The following DPP10 variants were observed in gnomAD, a reference collection of about 807,000 sequenced individuals.
DPP10 encodes the protein inactive dipeptidyl peptidase 10.
Under a neutral mutation model 120.9 loss-of-function variants are expected in DPP10, and 33 were observed. The observed-to-expected ratio is 0.27, with a 90% confidence interval of 0.21 to 0.37. DPP10 has a LOEUF of 0.37. DPP10 is among the 10% of genes least tolerant of loss of function. The probability of loss-of-function intolerance (pLI) is 1.00; values close to 1 mark genes in which losing one functional copy is unlikely to be tolerated. For synonymous variants in DPP10, 337 were observed against 326.1 expected (o/e 1.03, Z -0.36); for missense variants, 816 against 942.8 (o/e 0.87, Z 1.76).
intron 1 of DPP10, among the ~76,000 whole-genome samples, chr2:114,474,242 CATTGCGCCCAGCCGCTTTTGCT>C (rs1680187572): frequency 6.6e-6 from 1 of 152,240 alleles, no homozygotes; most frequent in Non-Finnish European, 1.5e-5. Flanking sequence ...AGGCATGAGC[CATTGCGCCCAGCCGCTTTTGCT>C]ATTTGATAAT....
intron 1 of DPP10, among the ~76,000 whole-genome samples, chr2:115,277,698 A>G (rs1441878961): frequency 6.6e-6 from 1 of 151,992 alleles, no homozygotes; most frequent in Non-Finnish European, 1.5e-5. Context: ...TAATGAAAAT[A>G]TTGCGTAAGT....
intron 1 of DPP10, among the ~76,000 whole-genome samples, chr2:115,151,704 G>C (rs545750684): frequency 6.7e-6 from 1 of 149,220 alleles, no homozygotes; most frequent in East Asian, 1.9e-4. Context: ...ACCGCGCCCA[G>C]TCAGTATTGA....
intron 7 of DPP10, among the ~76,000 whole-genome samples, chr2:115,704,042 G>T (rs1012576384): frequency 6.6e-6 from 1 of 151,772 alleles, no homozygotes; most frequent in South Asian, 2.1e-4. Context: ...CTCCCACAAG[G>T]TTATAAAATG....
chr2:115,704,152 A>G (rs1405327855), intron 7 of DPP10, among the ~76,000 whole-genome samples: 1 of 151,834 alleles, frequency 6.6e-6, no homozygotes, highest in African/African-American at 2.4e-5. Context: ...ATTTTTCTCT[A>G]CCTGAACCAA....
At chr2:115,375,872 C>T (rs934259164) in intron 3 of DPP10, among the ~76,000 whole-genome samples, 1 of 152,226 alleles carries the variant, frequency 6.6e-6, no homozygotes, top group Non-Finnish European at 1.5e-5. Flanking sequence ...AATCCACACC[C>T]ATGATCCAGT....
intron 1 of DPP10, among the ~76,000 whole-genome samples, chr2:114,927,782 G>A (rs1025073826): frequency 2.0e-5 from 3 of 152,186 alleles, no homozygotes; most frequent in South Asian, 2.1e-4. Context: ...TGGTTCTGCA[G>A]GCTGTACAAG....
chr2:114,837,439 C>A (rs1393636302), intron 1 of DPP10, among the ~76,000 whole-genome samples: 2 of 152,132 alleles, frequency 1.3e-5, no homozygotes, highest in Non-Finnish European at 2.9e-5. Context: ...TTCCTCACAA[C>A]AGTTAGCAGT....
chr2:114,914,906 C>A (rs767167584), intron 1 of DPP10, among the ~76,000 whole-genome samples: 1 of 152,020 alleles, frequency 6.6e-6, no homozygotes, highest in Admixed American at 6.6e-5. Flanking sequence ...CCGAGGCGGG[C>A]GGATCATGAG....
At chr2:114,653,843 A>G (rs902880727) in intron 1 of DPP10, among the ~76,000 whole-genome samples, 4 of 152,178 alleles carry the variant, frequency 2.6e-5, no homozygotes, top group African/African-American at 9.7e-5. Context: ...TGGACATGCA[A>G]AAGAAGATTC....
intron 1 of DPP10, among the ~76,000 whole-genome samples, chr2:115,119,644 G>T (rs1037426433): frequency 2.0e-5 from 3 of 152,172 alleles, no homozygotes; most frequent in African/African-American, 7.2e-5. Context: ...GTTGGTGAAA[G>T]TGGTATCCAG....
At chr2:115,568,288 C>CG (rs1343557980) in intron 5 of DPP10, among the ~76,000 whole-genome samples, 1 of 151,914 alleles carries the variant, frequency 6.6e-6, no homozygotes, top group Non-Finnish European at 1.5e-5. Context: ...ATTGAGACCA[C>CG]CCTGGCCAAT....
rs969514704 is a variant in DPP10 at position 115,122,881 on chromosome 2, A to T, written c.61-186358A>T. ...TCCTTCCCAACCCCATGAGTCACTC[A>T]TCAGGGGGAGCTGTGAGATCAGCTG... On this transcript the variant is annotated intron_variant, in intron 1 of 25. Coordinates refer to ENST00000410059, the MANE Select transcript of DPP10 (RefSeq NM_020868.6). Among the ~76,000 whole-genome samples, 3 of 152,136 alleles carry T rather than the reference A, an allele frequency of 2.0e-5. No individual in the cohort carries two copies. The South Asian group carries it at 6.2e-4, about 32-fold the overall frequency.
intron 1 of DPP10, among the ~76,000 whole-genome samples, chr2:114,478,840 C>T (rs1288582612): frequency 6.6e-6 from 1 of 152,082 alleles, no homozygotes; most frequent in Admixed American, 6.6e-5. Context: ...AAAGAAATTG[C>T]AATCTATTTG....
chr2:114,806,309 C>T (rs1227530227), intron 1 of DPP10, among the ~76,000 whole-genome samples: 2 of 152,056 alleles, frequency 1.3e-5, no homozygotes, highest in Admixed American at 6.6e-5. Context: ...TATTATTTTC[C>T]CCATTTGATA....
chr2:115,113,000 G>A (rs1301617579), intron 1 of DPP10, among the ~76,000 whole-genome samples: 1 of 151,978 alleles, frequency 6.6e-6, no homozygotes, highest in Non-Finnish European at 1.5e-5. Flanking sequence ...AACACAACTA[G>A]TTTAATTGAT....
At chr2:115,438,150 C>G (rs2071673268) in intron 3 of DPP10, among the ~76,000 whole-genome samples, 1 of 151,918 alleles carries the variant, frequency 6.6e-6, no homozygotes, top group Non-Finnish European at 1.5e-5. Context: ...CATCACTAAC[C>G]ATTAGGAAAA....
chr2:115,371,578 A>G (rs2065413974), intron 3 of DPP10, among the ~76,000 whole-genome samples: 1 of 152,132 alleles, frequency 6.6e-6, no homozygotes, highest in Admixed American at 6.6e-5. Flanking sequence ...TTCTTGCTGC[A>G]AAACCATACT....
chr2:114,489,274 G>C (rs112114713), intron 1 of DPP10, among the ~76,000 whole-genome samples: 198 of 152,162 alleles, frequency 1.3e-3, no homozygotes, highest in African/African-American at 4.5e-3. Flanking sequence ...ATTAAACACA[G>C]AGACAGCCTT....
At chr2:114,698,943 T>C (rs1034869133) in intron 1 of DPP10, among the ~76,000 whole-genome samples, 12 of 152,126 alleles carry the variant, frequency 7.9e-5, no homozygotes, top group African/African-American at 2.9e-4. Context: ...TTCCCATTTT[T>C]GAGTGCTTTC....
Sources: allele counts gnomAD v4.1 joint callset (sites outside exome capture counted in the v4.1 genomes callset), GRCh38; gene constraint gnomAD v4.1.1; transcripts MANE v1.5; gene names NCBI Gene and HGNC (gene_info 2026-07-23, HGNC 2026-07-21).